The following TNNI3K variants were observed in gnomAD, a reference collection of about 807,000 sequenced individuals.
TNNI3K encodes the protein serine/threonine-protein kinase TNNI3K.
A neutral mutation model predicts 114.5 loss-of-function variants in TNNI3K; 140 were observed. The ratio of observed to expected loss-of-function variants is 1.22; its 90% CI spans 1.07 to 1.41. The LOEUF is 1.41. TNNI3K is among the 40% of genes most tolerant of loss of function. The pLI, the probability that TNNI3K is intolerant of heterozygous loss-of-function variation, is 0.00. For synonymous variants in TNNI3K, 347 were observed against 347.5 expected (o/e 1.00, Z 0.02); for missense variants, 1,125 against 1,007.6 (o/e 1.12, Z -1.58).
intron 5 of TNNI3K, among the ~76,000 whole-genome samples, chr1:74,313,755 C>A (rs983680677): frequency 2.6e-5 from 4 of 152,000 alleles, no homozygotes; most frequent in African/African-American, 9.7e-5. Context: ...ATTCTCTGTA[C>A]TCTGTGTTGA....
At chr1:74,343,220 G>T in intron 9 of TNNI3K, 41 bp downstream of exon 9, 1 of 1,568,770 alleles carries the variant, frequency 6.4e-7, no homozygotes, top group South Asian at 1.2e-5. Context: ...AAACTTAGCT[G>T]ACACTCTAAA....
At chr1:74,534,499 A>G (rs1179533908) in intron 23 of TNNI3K, among the ~76,000 whole-genome samples, 1 of 152,122 alleles carries the variant, frequency 6.6e-6, no homozygotes, top group African/African-American at 2.4e-5. Context: ...TGGAAGCCAC[A>G]ACACTGTCTG....
Position 74,343,169 on chromosome 1 carries a change from G to A in TNNI3K, c.922G>A (p.Ala308Thr). Residue 308 changes from alanine (A) to threonine (T), a missense_variant, in exon 9 of 25, where the codon GCT becomes ACT. Coordinates refer to ENST00000326637, the MANE Select transcript of TNNI3K (RefSeq NM_015978.3). ...LTKENIFSET[A>T]FHSACTYGKS... Reference sequence around the variant, plus strand: ...TAAGGAAAACATCTTCAGTGAAACAGCTTTTCATAGGTAAAAGAATATTTA... The same window carrying A: ...TAAGGAAAACATCTTCAGTGAAACAACTTTTCATAGGTAAAAGAATATTTA... 1 of 1,611,058 alleles carries A rather than the reference G, an allele frequency of 6.2e-7. No homozygotes were observed. The highest frequency in any genetic ancestry group is 8.5e-7 in the Non-Finnish European group (1 of 1,178,650).
At chr1:74,528,225 G>A (rs554425621) in intron 23 of TNNI3K, among the ~76,000 whole-genome samples, 17 of 152,160 alleles carry the variant, frequency 1.1e-4, no homozygotes, top group Non-Finnish European at 1.2e-4. Flanking sequence ...GGAAGTTGGA[G>A]CATAAGGGTG....
At chr1:74,382,006 C>T (rs575688910) in intron 17 of TNNI3K, among the ~76,000 whole-genome samples, 1 of 152,288 alleles carries the variant, frequency 6.6e-6, no homozygotes, top group East Asian at 1.9e-4. Flanking sequence ...GGTTAGGCAC[C>T]TTTTCTTCTC....
chr1:74,411,408 A>G (rs546486870), intron 17 of TNNI3K, among the ~76,000 whole-genome samples: 1 of 152,212 alleles, frequency 6.6e-6, no homozygotes, highest in East Asian at 1.9e-4. Context: ...ACCTGAGATA[A>G]CCCTCAATTA....
intron 11 of TNNI3K, among the ~76,000 whole-genome samples, chr1:74,364,525 TGGG>T (rs1662161627): frequency 6.6e-6 from 1 of 151,754 alleles, no homozygotes; most frequent in South Asian, 2.1e-4. Context: ...CTGCCTTACA[TGGG>T]GAAGAATCAA....
intron 7 of TNNI3K, among the ~76,000 whole-genome samples, chr1:74,337,736 C>T (rs188374486): frequency 3.3e-4 from 50 of 152,140 alleles, no homozygotes; most frequent in African/African-American, 1.1e-3. Context: ...GGTAAATAGA[C>T]TTTACCACCA....
intron 23 of TNNI3K, among the ~76,000 whole-genome samples, chr1:74,516,877 G>T (rs1352831757): frequency 1.3e-5 from 2 of 152,094 alleles, no homozygotes; most frequent in East Asian, 1.9e-4. Flanking sequence ...CTTATTGCCA[G>T]TTCACAAAAA....
chr1:74,444,690 A>G (rs1310119410), intron 20 of TNNI3K, among the ~76,000 whole-genome samples: 1 of 152,116 alleles, frequency 6.6e-6, no homozygotes, highest in Non-Finnish European at 1.5e-5. Context: ...ATTTAAATTC[A>G]TATGGAACCA....
intron 5 of TNNI3K, among the ~76,000 whole-genome samples, chr1:74,295,883 A>G (rs1657948479): frequency 6.6e-6 from 1 of 151,904 alleles, no homozygotes; most frequent in South Asian, 2.1e-4. Flanking sequence ...TTGTTGCTCC[A>G]CCTATTGTTT....
chr1:74,527,205 G>A (rs966494888), intron 23 of TNNI3K, among the ~76,000 whole-genome samples: 5 of 152,132 alleles, frequency 3.3e-5, no homozygotes, highest in Non-Finnish European at 5.9e-5. Flanking sequence ...CCAGGCACAC[G>A]GAGACTCATA....
At chr1:74,285,985 A>C (rs186782533) in intron 5 of TNNI3K, among the ~76,000 whole-genome samples, 2 of 152,218 alleles carry the variant, frequency 1.3e-5, no homozygotes, top group African/African-American at 4.8e-5. Flanking sequence ...AGAAATATCA[A>C]CTTGAAGAAC....
rs1655490465 is a variant in TNNI3K, at chr1:74,258,819, T to G, written c.333+8050T>G. Among the ~76,000 whole-genome samples, 5 of 152,228 alleles carry G rather than the reference T, an allele frequency of 3.3e-5. No homozygotes were observed. The South Asian group carries it at 1.0e-3, about 32-fold the overall frequency. On this transcript the variant is annotated intron_variant, in intron 4 of 24. Coordinates refer to ENST00000326637, the MANE Select transcript of TNNI3K (RefSeq NM_015978.3). ...TTCAATGTAATGTGCATGAGGATCATATAGTAACATACGTTTAAAATGAAT... is the reference window on the plus strand; with the variant it reads ...TTCAATGTAATGTGCATGAGGATCAGATAGTAACATACGTTTAAAATGAAT...
intron 23 of TNNI3K, among the ~76,000 whole-genome samples, chr1:74,518,344 T>G (rs1646378841): frequency 6.6e-6 from 1 of 152,208 alleles, no homozygotes; most frequent in African/African-American, 2.4e-5. Context: ...CATAGCCTCT[T>G]ACTGTTCACT....
chr1:74,458,755 T>A (rs1388160078), intron 20 of TNNI3K, among the ~76,000 whole-genome samples: 1 of 152,222 alleles, frequency 6.6e-6, no homozygotes, highest in Non-Finnish European at 1.5e-5. Context: ...CTATGTTTTT[T>A]AATTGTTTAC....
chr1:74,343,295 A>G, intron 9 of TNNI3K, 116 bp downstream of exon 9: 1 of 1,136,356 alleles, frequency 8.8e-7, no homozygotes, highest in Non-Finnish European at 1.3e-6. Flanking sequence ...AGAGAGCAAT[A>G]GCAGAGGTAG....
At chr1:74,357,119 G>T (rs927329208) in intron 11 of TNNI3K, among the ~76,000 whole-genome samples, 1 of 152,138 alleles carries the variant, frequency 6.6e-6, no homozygotes, top group Non-Finnish European at 1.5e-5. Context: ...GTGCTTCCCT[G>T]CCTCCTTGGA....
intron 16 of TNNI3K, 100 bp from the exon 17 acceptor site, chr1:74,370,188 T>G: frequency 9.8e-7 from 1 of 1,017,766 alleles, no homozygotes; most frequent in Non-Finnish European, 1.3e-6. Context: ...AAACAAAAAA[T>G]GGTTAAGATG....
Sources: gnomAD v4.1 joint callset for allele counts (sites outside exome capture counted in the v4.1 genomes callset) on GRCh38, gnomAD v4.1.1 for gene constraint, MANE v1.5 for transcripts, NCBI Gene and HGNC (gene_info 2026-07-23, HGNC 2026-07-21) for gene names.